THSD4: variants seen among roughly 807,000 people sequenced by gnomAD.
THSD4 encodes thrombospondin type 1 domain containing 4.
THSD4 carries 69 observed loss-of-function variants against 119.0 expected under a neutral mutation model. That is an observed-to-expected ratio of 0.58 (90% CI 0.48 to 0.71). The LOEUF (loss-of-function observed/expected upper bound fraction) is 0.71. Ranked by LOEUF, THSD4 falls within the 30% of genes least tolerant of loss-of-function variation. THSD4 has a pLI of 0.00. For synonymous variants in THSD4, 524 were observed against 540.4 expected, an observed-to-expected ratio of 0.97 and a Z score of 0.42; for missense variants, 1,393 against 1,391.1, an observed-to-expected ratio of 1.00 and a Z score of -0.02.
At chr15:71,463,213 A>C (rs996903556) in intron 7 of THSD4, among the ~76,000 whole-genome samples, 1 of 152,080 alleles carries the variant, frequency 6.6e-6, no homozygotes, top group Non-Finnish European at 1.5e-5. Context: ...GCTAACTCTT[A>C]ATCTTGACTT....
rs369950925 is a variant in THSD4, at chr15:71,777,415, C to G, written c.*41C>G. 2.8e-4 allele frequency: 451 copies of G among 1,590,664 alleles called. 1 individual carries two copies. The highest frequency in any genetic ancestry group is 1.7e-3 in the Middle Eastern group (9 of 5,200). On this transcript the variant is annotated 3_prime_UTR_variant, in exon 18 of 18. Transcript: ENST00000261862. ...ATCAGTAGGGCAGCATCACTGCCTT[C>G]CCGGGGGCTTCAGCAGTGCGCCTGG...
At chr15:71,675,328 A>G (rs2051621114) in intron 8 of THSD4, among the ~76,000 whole-genome samples, 2 of 152,360 alleles carry the variant, frequency 1.3e-5, no homozygotes, top group African/African-American at 4.8e-5. Flanking sequence ...AACTCTGATC[A>G]TCTCTCCAGC....
At chr15:71,637,590 A>G (rs1429902867) in intron 7 of THSD4, among the ~76,000 whole-genome samples, 1 of 152,166 alleles carries the variant, frequency 6.6e-6, no homozygotes, top group Non-Finnish European at 1.5e-5. Flanking sequence ...GGTTAAAGGA[A>G]CAATGATTAT....
chr15:71,490,741 T>A (rs767266522), intron 7 of THSD4, among the ~76,000 whole-genome samples: 6 of 152,092 alleles, frequency 3.9e-5, no homozygotes, highest in African/African-American at 7.2e-5. Context: ...AAAAATAAAT[T>A]AATTAATTAT....
intron 3 of THSD4, among the ~76,000 whole-genome samples, chr15:71,213,969 AG>A (rs2140248855): frequency 6.6e-6 from 1 of 152,282 alleles, no homozygotes; most frequent in East Asian, 1.9e-4. Context: ...AGGTGAAGCC[AG>A]GGGGACTTCC....
intron 7 of THSD4, among the ~76,000 whole-genome samples, chr15:71,507,455 A>G (rs1392357309): frequency 1.3e-5 from 2 of 152,162 alleles, no homozygotes; most frequent in Non-Finnish European, 2.9e-5. Flanking sequence ...TTCAGGAAGT[A>G]TACTGAAAGG....
chr15:71,674,516 G>T (rs2051599136), intron 8 of THSD4, among the ~76,000 whole-genome samples: 1 of 152,184 alleles, frequency 6.6e-6, no homozygotes. Flanking sequence ...TGGGAGGCAT[G>T]CTGTGTGAGG....
chr15:71,207,987 G>A (rs549912636), intron 3 of THSD4, among the ~76,000 whole-genome samples: 2 of 152,342 alleles, frequency 1.3e-5, no homozygotes, highest in South Asian at 4.1e-4. Flanking sequence ...TGGGAAGTGA[G>A]GCACATCAGA....
intron 15 of THSD4, among the ~76,000 whole-genome samples, chr15:71,762,150 A>AACACACACACACAC (rs72267245): frequency 0.021 from 2,364 of 112,276 alleles, 43 homozygotes; most frequent in African/African-American, 0.058. Flanking sequence ...CGCGTGTGCA[A>AACACACACACACAC]ACACACACAC....
intron 7 of THSD4, among the ~76,000 whole-genome samples, chr15:71,636,216 G>C (rs568343146): frequency 6.6e-6 from 1 of 152,186 alleles, no homozygotes; most frequent in African/African-American, 2.4e-5. Context: ...GGGGTCAGGC[G>C]TTGGAGACCA....
intron 7 of THSD4, among the ~76,000 whole-genome samples, chr15:71,631,714 A>G (rs2050631981): frequency 6.6e-6 from 1 of 152,198 alleles, no homozygotes; most frequent in Non-Finnish European, 1.5e-5. Flanking sequence ...GTTCCAGTCA[A>G]CTGAGGGTAA....
rs536264392 is a variant in THSD4 at position 71,276,721 on chromosome 15, T to C, written c.1015+20006T>C. Among the ~76,000 whole-genome samples the C allele has an allele frequency of 1.2e-4, 19 of 152,370 alleles. No homozygotes were observed. In the South Asian group the frequency reaches 2.5e-3, roughly 20 times the overall value. On this transcript the variant is annotated intron_variant, in intron 6 of 17. Coordinates refer to ENST00000261862, the MANE Select transcript of THSD4 (RefSeq NM_024817.3). ...TTTACAATATTTCATTATATTTGACTACAAATGCCTGTATGCATTCTTTAA... is the reference window on the plus strand; with the variant it reads ...TTTACAATATTTCATTATATTTGACCACAAATGCCTGTATGCATTCTTTAA...
At chr15:71,267,255 C>T (rs1229716198) in intron 6 of THSD4, among the ~76,000 whole-genome samples, 1 of 152,196 alleles carries the variant, frequency 6.6e-6, no homozygotes, top group Non-Finnish European at 1.5e-5. Context: ...AGGCTAACAG[C>T]GGATCTTTCT....
chr15:71,727,742 C>A (rs1490678430), intron 8 of THSD4, among the ~76,000 whole-genome samples: 1 of 124,964 alleles, frequency 8.0e-6, no homozygotes, highest in South Asian at 3.3e-4. Context: ...TGCACTCCAG[C>A]CTGGGCGATG....
intron 7 of THSD4, among the ~76,000 whole-genome samples, chr15:71,613,998 A>G (rs1210747849): frequency 2.0e-5 from 3 of 152,202 alleles, no homozygotes; most frequent in South Asian, 4.1e-4. Flanking sequence ...CATTAATGCA[A>G]CTTTTAAGCA....
chr15:71,610,957 G>C (rs1192028366), intron 7 of THSD4, among the ~76,000 whole-genome samples: 1 of 151,784 alleles, frequency 6.6e-6, no homozygotes, highest in African/African-American at 2.4e-5. Flanking sequence ...GTGCATATGT[G>C]TATGGAAAGA....
At chr15:71,284,477 A>G (rs1421427391) in intron 6 of THSD4, among the ~76,000 whole-genome samples, 1 of 152,222 alleles carries the variant, frequency 6.6e-6, no homozygotes, top group African/African-American at 2.4e-5. Flanking sequence ...AATTACATAT[A>G]GGAATTTCGG....
At chr15:71,140,890 C>A (rs552871730) in intron 1 of THSD4, among the ~76,000 whole-genome samples, 2 of 152,310 alleles carry the variant, frequency 1.3e-5, no homozygotes, top group Admixed American at 6.5e-5. Flanking sequence ...ACCAACGAAT[C>A]TACTTTCTGT....
chr15:71,525,452 C>T (rs548047750), intron 7 of THSD4, among the ~76,000 whole-genome samples: 1 of 152,334 alleles, frequency 6.6e-6, no homozygotes, highest in Non-Finnish European at 1.5e-5. Flanking sequence ...AGATACAGAA[C>T]TGGACAAGGT....
Sources: gnomAD v4.1 joint callset for allele counts (sites outside exome capture counted in the v4.1 genomes callset) on GRCh38, gnomAD v4.1.1 for gene constraint, MANE v1.5 for transcripts, NCBI Gene and HGNC (gene_info 2026-07-23, HGNC 2026-07-21) for gene names.